The following ZNF155 variants were observed in gnomAD, a reference collection of about 807,000 sequenced individuals.
The protein encoded by ZNF155 is KRAB A domain.
Under a neutral mutation model 11.9 loss-of-function variants are expected in ZNF155, and 15 were observed. The observed-to-expected ratio is 1.26, with a 90% confidence interval of 0.84 to 1.94. The LOEUF is 1.94. ZNF155 is among the 30% of genes most tolerant of loss of function. The pLI is 0.00. For synonymous variants in ZNF155, 212 were observed against 219.9 expected, an observed-to-expected ratio of 0.96 and a Z score of 0.32; for missense variants, 602 against 639.1, an observed-to-expected ratio of 0.94 and a Z score of 0.63.
intron 4 of ZNF155, among the ~76,000 whole-genome samples, chr19:43,995,824 G>A (rs1017270790): frequency 6.6e-6 from 1 of 152,066 alleles, no homozygotes; most frequent in African/African-American, 2.4e-5. Context: ...ATTTTGGACT[G>A]ACTAGGAAAT....
At chr19:43,991,786 C>T (rs1975675188) in intron 3 of ZNF155, 56 bp from the exon 4 acceptor site, 1 of 1,604,770 alleles carries the variant, frequency 6.2e-7, no homozygotes, top group Non-Finnish European at 8.5e-7. Flanking sequence ...GTAAATTTTG[C>T]CTAAATATTA....
intron 1 of ZNF155, among the ~76,000 whole-genome samples, chr19:43,985,841 CTCT>C (rs1309575265): frequency 6.6e-6 from 1 of 152,142 alleles, no homozygotes; most frequent in African/African-American, 2.4e-5. Flanking sequence ...CGCCCGGTCG[CTCT>C]TTTCCATTTT....
At chr19:43,994,792 C>G (rs569195907) in intron 4 of ZNF155, among the ~76,000 whole-genome samples, 87 of 152,256 alleles carry the variant, frequency 5.7e-4, no homozygotes, top group African/African-American at 2.0e-3. Context: ...TATTGGGTCT[C>G]CATTATGGAG....
intron 2 of ZNF155, among the ~76,000 whole-genome samples, chr19:43,989,374 G>A (rs1975575821): frequency 6.6e-6 from 1 of 152,100 alleles, no homozygotes; most frequent in Non-Finnish European, 1.5e-5. Flanking sequence ...ACTAAGTTTT[G>A]CCAATCACTT....
chr19:43,985,526 T>G (rs1179143882), intron 1 of ZNF155, among the ~76,000 whole-genome samples: 1 of 116,758 alleles, frequency 8.6e-6, no homozygotes, highest in Non-Finnish European at 1.9e-5. Flanking sequence ...AAGGTATTGC[T>G]CTTTTTCTTT....
chr19:43,989,964 A>G, intron 2 of ZNF155: 2 of 1,163,042 alleles, frequency 1.7e-6, no homozygotes, highest in Non-Finnish European at 2.3e-6. Context: ...TTGAAAAGTG[A>G]TGGTTTTCAT....
At position 43,991,840 on chromosome 19, in the gene ZNF155, AG is replaced by A. The variant is rs539008394; in HGVS notation, c.144del. On this transcript the variant is annotated splice_acceptor_variant, in intron 3 of 4. Coordinates refer to ENST00000270014, the MANE Select transcript of ZNF155 (RefSeq NM_198089.3). LOFTEE classifies it high-confidence loss of function. ...TCAGCACGTGACCTTACCTATTCACAGGGCATCAACCGTTCCACCAAGATAC... is the reference window on the plus strand; with the variant it reads ...TCAGCACGTGACCTTACCTATTCACAGGCATCAACCGTTCCACCAAGATAC... The A allele has an allele frequency of 3.5e-5, 56 of 1,613,170 alleles. No homozygotes were observed. The East Asian group carries it at 7.6e-4, about 22-fold the overall frequency.
At chr19:43,988,408 C>A in intron 1 of ZNF155, 51 bp from the exon 2 acceptor site, 1 of 856,402 alleles carries the variant, frequency 1.2e-6, no homozygotes, top group African/African-American at 1.7e-5. Flanking sequence ...AATAATGCTG[C>A]TGTGATCATT....
intron 4 of ZNF155, among the ~76,000 whole-genome samples, chr19:43,995,350 C>A (rs910253184): frequency 2.0e-5 from 3 of 151,436 alleles, no homozygotes; most frequent in Admixed American, 6.6e-5. Flanking sequence ...AAGTGATCTG[C>A]CCACTTCAGC....
chr19:43,986,820 G>A (rs430746), intron 1 of ZNF155, among the ~76,000 whole-genome samples: 69,028 of 151,882 alleles, frequency 0.45, 15,924 homozygotes, highest in Admixed American at 0.55. Context: ...TTTCAAAGCT[G>A]TAGAAGAGTT....
At position 43,988,534 on chromosome 19, in the gene ZNF155, A is replaced by G. The variant is rs1226244941; in HGVS notation, c.-10A>G. The G allele has an allele frequency of 1.9e-6, 3 of 1,607,486 alleles. No individual in the cohort carries two copies. The highest frequency in any genetic ancestry group is 1.7e-5 in the Admixed American group (1 of 59,784). On this transcript the variant is annotated 5_prime_UTR_variant, in exon 2 of 5. Transcript: ENST00000270014. ...CAGGAGTCTGCAAATTCCCCAAAGT[A>G]GGAGGAAAAATGACCACATTCAAGG...
chr19:43,997,099 A>T lies in ZNF155; in HGVS notation c.1242A>T (p.Gln414His). Reference protein sequence around the residue: ...ECGKGFYTNSQLSSHQRSHSG... With the variant: ...ECGKGFYTNSHLSSHQRSHSG... ...GAAAGGGATTTTATACAAATTCACAACTGTCTTCCCATCAGAGATCCCACA... is the reference window on the plus strand; with the variant it reads ...GAAAGGGATTTTATACAAATTCACATCTGTCTTCCCATCAGAGATCCCACA... The change falls in exon 5 of 5, where the codon CAA (glutamine) becomes CAT (histidine). Residue 414 changes from glutamine (Q) to histidine (H), a missense_variant. Gln to His is a conservative substitution (Grantham distance 24). Transcript: ENST00000270014. 6.2e-7 allele frequency: 1 copy of T among 1,613,506 alleles called. No individual in the cohort carries two copies. Among genetic ancestry groups the T allele is most frequent in the Non-Finnish European group, 8.5e-7 (1 of 1,179,448 alleles).
chr19:43,989,760 C>T (rs1975588856), intron 2 of ZNF155, among the ~76,000 whole-genome samples: 1 of 152,132 alleles, frequency 6.6e-6, no homozygotes, highest in Non-Finnish European at 1.5e-5. Flanking sequence ...TCCCTTTTGG[C>T]AAAAGATGCC....
chr19:43,997,255 C>G lies in ZNF155; in HGVS notation c.1398C>G (p.Ser466Arg), dbSNP rs1414825473. 6.2e-7 allele frequency: 1 copy of G among 1,614,022 alleles called. No individual in the cohort carries two copies. Among genetic ancestry groups the G allele is most frequent in the South Asian group, 1.1e-5 (1 of 91,080 alleles). ...YNCKECGKNF[S>R]RASSILNHKR... ...GTAAGGAATGTGGGAAGAACTTTAG[C>G]CGGGCCTCAAGTATTTTGAATCATA... Residue 466 changes from serine (S) to arginine (R), a missense_variant, in exon 5 of 5, where the codon AGC becomes AGG. By Grantham distance (110) the Ser-to-Arg change is moderately radical. Coordinates refer to ENST00000270014, the MANE Select transcript of ZNF155 (RefSeq NM_198089.3).
rs758021257 is a variant in ZNF155 at position 43,997,477 on chromosome 19, G to C, written c.*3G>C. 21 of 1,583,808 alleles carry C rather than the reference G, an allele frequency of 1.3e-5. No individual in the cohort carries two copies. In the South Asian group the frequency reaches 1.4e-4, roughly 10 times the overall value. ...CATTATTTCTAAATGACACATAATT[G>C]TTCATATTTATGGGGTACAACGTGC... On this transcript the variant is annotated 3_prime_UTR_variant, in exon 5 of 5. Coordinates refer to ENST00000270014, the MANE Select transcript of ZNF155 (RefSeq NM_198089.3).
At position 43,991,601 on chromosome 19, in the gene ZNF155, G is replaced by T; in HGVS notation, c.69G>T (p.Gly23=). The T allele has an allele frequency of 6.2e-7, 1 of 1,614,152 alleles. No individual in the cohort carries two copies. The highest frequency in any genetic ancestry group is 8.5e-7 in the Non-Finnish European group (1 of 1,180,026). Residue 23 remains glycine, a synonymous_variant, in exon 3 of 5, where the codon GGG becomes GGT. Coordinates refer to ENST00000270014, the MANE Select transcript of ZNF155 (RefSeq NM_198089.3). ...VAVVFTEEEL[G]LLDPAQRKLY... The stretch of plus-strand genomic sequence containing the variant: ...TGGTCTTCACTGAGGAGGAGCTGGG[G>T]CTGCTGGACCCTGCCCAGAGGAAGC...
chr19:43,989,722 A>G (rs1012042410), intron 2 of ZNF155, among the ~76,000 whole-genome samples: 2 of 152,346 alleles, frequency 1.3e-5, no homozygotes, highest in African/African-American at 4.8e-5. Flanking sequence ...TATACTGATT[A>G]CCATAGTTGT....
chr19:43,992,726 G>C (rs916453268), intron 4 of ZNF155, among the ~76,000 whole-genome samples: 3 of 152,236 alleles, frequency 2.0e-5, no homozygotes, highest in Non-Finnish European at 4.4e-5. Flanking sequence ...TAGGTGACTA[G>C]TGACCGTTAT....
chr19:43,993,390 C>T (rs1486246883), intron 4 of ZNF155, among the ~76,000 whole-genome samples: 1 of 152,054 alleles, frequency 6.6e-6, no homozygotes, highest in African/African-American at 2.4e-5. Context: ...CCTGAAGATT[C>T]TCCTTTCTCC....
Sources: allele counts gnomAD v4.1 joint callset (sites outside exome capture counted in the v4.1 genomes callset), GRCh38; gene constraint gnomAD v4.1.1; transcripts MANE v1.5; gene names NCBI Gene and HGNC (gene_info 2026-07-23, HGNC 2026-07-21).